The following FGF14 variants were observed in gnomAD, a reference collection of about 807,000 sequenced individuals.
The protein encoded by FGF14 is fibroblast growth factor 14, also known as fibroblast growth factor homologous factor 4.
A neutral mutation model predicts 25.5 loss-of-function variants in FGF14; 5 were observed. The ratio of observed to expected loss-of-function variants is 0.20; its 90% confidence interval spans 0.10 to 0.41. FGF14 has a LOEUF of 0.41. Ranked by LOEUF, FGF14 falls within the 10% of genes least tolerant of loss-of-function variation. The pLI, the probability that FGF14 is intolerant of heterozygous loss-of-function variation, is 1.00. For missense variants in FGF14, 222 were observed against 320.1 expected (o/e 0.69, Z 2.34); for synonymous variants, 138 against 118.3 (o/e 1.17, Z -1.08).
At chr13:102,398,301 T>C (rs928334022) in intron 1 of FGF14, among the ~76,000 whole-genome samples, 4 of 152,174 alleles carry the variant, frequency 2.6e-5, no homozygotes, top group African/African-American at 9.7e-5. Context: ...GTCCTTAAAT[T>C]CGTAACTCTA....
At chr13:102,343,657 G>A (rs768948634) in intron 1 of FGF14, among the ~76,000 whole-genome samples, 1 of 152,150 alleles carries the variant, frequency 6.6e-6, no homozygotes, top group African/African-American at 2.4e-5. Flanking sequence ...AAATTTAAGT[G>A]ACCCCTTTCT....
chr13:102,092,954 G>C (rs1362439910), intron 1 of FGF14, among the ~76,000 whole-genome samples: 1 of 152,162 alleles, frequency 6.6e-6, no homozygotes, highest in Non-Finnish European at 1.5e-5. Context: ...GGGCCCTCAA[G>C]ATTAAGCTGA....
chr13:102,105,568 T>G (rs1252212673), intron 1 of FGF14, among the ~76,000 whole-genome samples: 1 of 152,226 alleles, frequency 6.6e-6, no homozygotes, highest in Non-Finnish European at 1.5e-5. Context: ...ATGGAGAGTT[T>G]TCTGCATTAT....
chr13:102,206,128 A>AACACACACACAC (rs59340568), intron 1 of FGF14, among the ~76,000 whole-genome samples: 6 of 147,054 alleles, frequency 4.1e-5, no homozygotes, highest in South Asian at 2.2e-4. Context: ...TCAACCTTCA[A>AACACACACACAC]ACACACACAC....
chr13:101,723,105 A>T (rs1229239162), intron 4 of FGF14, 138 bp from the exon 5 acceptor site: 2 of 997,358 alleles, frequency 2.0e-6, no homozygotes, highest in African/African-American at 3.2e-5. Flanking sequence ...ATTGAGACAG[A>T]ATTCCTGTTG....
At chr13:101,985,525 T>G (rs2038525718) in intron 1 of FGF14, among the ~76,000 whole-genome samples, 1 of 152,118 alleles carries the variant, frequency 6.6e-6, no homozygotes, top group Non-Finnish European at 1.5e-5. Context: ...TCATCAGCAT[T>G]AATCATAGAT....
chr13:101,915,535 C>T (rs187132218), intron 1 of FGF14, among the ~76,000 whole-genome samples: 112 of 152,288 alleles, frequency 7.4e-4, no homozygotes, highest in Admixed American at 4.1e-3. Context: ...GCCTTAGCAA[C>T]TGGATGCAGA....
At chr13:102,194,797 C>A (rs1222637984) in intron 1 of FGF14, among the ~76,000 whole-genome samples, 1 of 151,872 alleles carries the variant, frequency 6.6e-6, no homozygotes, top group East Asian at 1.9e-4. Context: ...ATTATCCATG[C>A]CCAGACATAT....
At chr13:101,776,396 G>A (rs1394093473) in intron 3 of FGF14, among the ~76,000 whole-genome samples, 1 of 152,098 alleles carries the variant, frequency 6.6e-6, no homozygotes, top group East Asian at 1.9e-4. Context: ...CAGCGTACAG[G>A]GCACACATGG....
At chr13:101,821,833 G>C (rs954245157) in intron 3 of FGF14, among the ~76,000 whole-genome samples, 1 of 152,118 alleles carries the variant, frequency 6.6e-6, no homozygotes, top group Non-Finnish European at 1.5e-5. Context: ...CTTCTTTTGT[G>C]AAGTGCTGTT....
At chr13:101,855,902 A>AG (rs751870999) in intron 3 of FGF14, among the ~76,000 whole-genome samples, 1 of 85,644 alleles carries the variant, frequency 1.2e-5, no homozygotes, top group African/African-American at 5.8e-5. Flanking sequence ...AATTCCTACA[A>AG]GTTTTTTTTT....
At chr13:101,979,849 T>C (rs1052448326) in intron 1 of FGF14, among the ~76,000 whole-genome samples, 1 of 152,196 alleles carries the variant, frequency 6.6e-6, no homozygotes, top group Non-Finnish European at 1.5e-5. Flanking sequence ...GAAATTCACT[T>C]TGATGACAAT....
chr13:101,772,981 A>T lies in FGF14; in HGVS notation c.409-46171T>A, dbSNP rs2038874563. Among the ~76,000 whole-genome samples, 3 of 152,232 alleles carry T rather than the reference A, an allele frequency of 2.0e-5. No homozygotes were observed. The South Asian group carries it at 6.2e-4, about 32-fold the overall frequency. ...TAAAAAATATATAGATAGCAAATGGACTATCAGGGACTTCATGAAGCCATT... is the reference window on the plus strand; with the variant it reads ...TAAAAAATATATAGATAGCAAATGGTCTATCAGGGACTTCATGAAGCCATT... On this transcript the variant is annotated intron_variant, in intron 3 of 4. Coordinates refer to ENST00000376143, the MANE Select transcript of FGF14 (RefSeq NM_004115.4).
rs539976384 is a variant in FGF14 at position 101,712,107 on chromosome 13, G to T, written c.*10724C>A. On this transcript the variant is annotated 3_prime_UTR_variant, in exon 5 of 5. Coordinates refer to ENST00000376143, the MANE Select transcript of FGF14 (RefSeq NM_004115.4). ...GTTCTACAGGAAAAGTGCTATAATA[G>T]GTCCTAATAACTATTCACACTGTGT... 1 of 152,114 alleles carries T rather than the reference G, an allele frequency of 6.6e-6. No homozygotes were observed. The highest frequency in any genetic ancestry group is 2.1e-4 in the South Asian group (1 of 4,826). 9.4% of individuals were successfully genotyped at this position (152,114 alleles called of 1,614,324 possible). A position where few individuals can be genotyped will look rare whatever the true frequency, so the allele number is the denominator to read the frequency against.
intron 3 of FGF14, among the ~76,000 whole-genome samples, chr13:101,824,439 C>T (rs574881148): frequency 6.6e-6 from 1 of 152,134 alleles, no homozygotes; most frequent in Non-Finnish European, 1.5e-5. Context: ...GCATTGATTA[C>T]TTCTTCGTTT....
At chr13:101,903,147 A>T (rs1881180363) in intron 1 of FGF14, among the ~76,000 whole-genome samples, 1 of 152,150 alleles carries the variant, frequency 6.6e-6, no homozygotes, top group South Asian at 2.1e-4. Flanking sequence ...AATATTATCT[A>T]CCAGAACTTC....
chr13:102,243,366 T>G (rs1187737364), intron 1 of FGF14, among the ~76,000 whole-genome samples: 1 of 152,118 alleles, frequency 6.6e-6, no homozygotes, highest in Non-Finnish European at 1.5e-5. Flanking sequence ...TCCATTTGAA[T>G]ATGGAATCCT....
At chr13:102,259,068 G>T (rs777125925) in intron 1 of FGF14, among the ~76,000 whole-genome samples, 5 of 152,168 alleles carry the variant, frequency 3.3e-5, no homozygotes, top group Non-Finnish European at 7.3e-5. Context: ...CTCATTTTGT[G>T]ATGGGCGCTA....
intron 1 of FGF14, among the ~76,000 whole-genome samples, chr13:102,218,045 ACT>A (rs923714065): frequency 5.3e-5 from 8 of 151,730 alleles, no homozygotes; most frequent in African/African-American, 1.9e-4. Flanking sequence ...TCAAGAGAGG[ACT>A]CTCTCTTGTA....
Sources: allele counts gnomAD v4.1 joint callset (sites outside exome capture counted in the v4.1 genomes callset), GRCh38; gene constraint gnomAD v4.1.1; transcripts MANE v1.5; gene names NCBI Gene and HGNC (gene_info 2026-07-23, HGNC 2026-07-21).